FGF12: variants seen among roughly 807,000 people sequenced by gnomAD.
The protein encoded by FGF12 is fibroblast growth factor 12.
A neutral mutation model predicts 23.6 loss-of-function variants in FGF12; 14 were observed. The ratio of observed to expected loss-of-function variants is 0.59; its 90% CI spans 0.39 to 0.93. The LOEUF is 0.93. Ranked by LOEUF, FGF12 falls within the 40% of genes least tolerant of loss-of-function variation. The pLI, the probability that FGF12 is intolerant of heterozygous loss-of-function variation, is 0.00. For missense variants in FGF12, 175 were observed against 217.8 expected, an observed-to-expected ratio of 0.80 and a Z score of 1.24; for synonymous variants, 62 against 77.3, an observed-to-expected ratio of 0.80 and a Z score of 1.04.
intron 3 of FGF12, among the ~76,000 whole-genome samples, chr3:192,349,643 T>C (rs536615914): frequency 2.6e-5 from 4 of 152,096 alleles, no homozygotes; most frequent in African/African-American, 9.7e-5. Flanking sequence ...ACTGCGAAAG[T>C]GTCTTCTTTT....
intron 2 of FGF12, among the ~76,000 whole-genome samples, chr3:192,374,976 A>T (rs1235674433): frequency 6.6e-6 from 1 of 152,202 alleles, no homozygotes; most frequent in Non-Finnish European, 1.5e-5. Flanking sequence ...CGAGATGCAG[A>T]CATATTTCTG....
intron 2 of FGF12, among the ~76,000 whole-genome samples, chr3:192,432,655 G>GA (rs149617076): frequency 2.1e-5 from 3 of 145,528 alleles, no homozygotes; most frequent in South Asian, 4.4e-4. Context: ...AAGAAAGAAA[G>GA]AAAGAAAAGA....
intron 2 of FGF12, among the ~76,000 whole-genome samples, chr3:192,521,811 C>T (rs1724820770): frequency 6.6e-6 from 1 of 152,030 alleles, no homozygotes; most frequent in African/African-American, 2.4e-5. Flanking sequence ...GTATATTTTC[C>T]CCCCAAGAGA....
At chr3:192,581,709 A>G (rs2108614682) in intron 2 of FGF12, among the ~76,000 whole-genome samples, 1 of 151,954 alleles carries the variant, frequency 6.6e-6, no homozygotes, top group Non-Finnish European at 1.5e-5. Flanking sequence ...AGGACTTCAA[A>G]TTTTTCCATT....
chr3:192,251,164 T>C (rs952342850), intron 4 of FGF12, among the ~76,000 whole-genome samples: 1 of 152,190 alleles, frequency 6.6e-6, no homozygotes, highest in African/African-American at 2.4e-5. Context: ...CTTTTGTCTG[T>C]TGATCAAATA....
chr3:192,285,871 C>T (rs1294932434), intron 4 of FGF12, among the ~76,000 whole-genome samples: 1 of 151,956 alleles, frequency 6.6e-6, no homozygotes. Context: ...TAGTGTGCTC[C>T]TTAACTATGA....
intron 2 of FGF12, among the ~76,000 whole-genome samples, chr3:192,500,754 G>A (rs1724110161): frequency 6.6e-6 from 1 of 152,146 alleles, no homozygotes; most frequent in Non-Finnish European, 1.5e-5. Flanking sequence ...TAAGTGCCAG[G>A]CACTATCCTA....
chr3:192,475,951 A>C (rs1434265860), intron 2 of FGF12, among the ~76,000 whole-genome samples: 2 of 152,168 alleles, frequency 1.3e-5, no homozygotes, highest in African/African-American at 4.8e-5. Context: ...AGATAGATAG[A>C]TAGATAATGA....
intron 2 of FGF12, among the ~76,000 whole-genome samples, chr3:192,461,717 G>A (rs959293580): frequency 1.3e-5 from 2 of 152,036 alleles, no homozygotes; most frequent in Admixed American, 6.6e-5. Flanking sequence ...GGCCAGGCAC[G>A]GTGGCTCATA....
chr3:192,411,714 G>A (rs1721205723), intron 2 of FGF12, among the ~76,000 whole-genome samples: 1 of 152,204 alleles, frequency 6.6e-6, no homozygotes, highest in Non-Finnish European at 1.5e-5. Flanking sequence ...AGTGGGCTTT[G>A]GGGGCTCCCT....
intron 4 of FGF12, among the ~76,000 whole-genome samples, chr3:192,211,204 C>G (rs1461861270): frequency 6.6e-6 from 1 of 152,144 alleles, no homozygotes; most frequent in Admixed American, 6.5e-5. Context: ...ATTGAAAAAA[C>G]AGAGCCATGA....
intron 4 of FGF12, among the ~76,000 whole-genome samples, chr3:192,191,760 C>T (rs952197697): frequency 1.3e-5 from 2 of 151,266 alleles, no homozygotes; most frequent in African/African-American, 2.4e-5. Flanking sequence ...GGCACGAACC[C>T]GGGAGGTGGA....
At chr3:192,685,827 A>T (rs1717712257) in intron 2 of FGF12, among the ~76,000 whole-genome samples, 1 of 152,204 alleles carries the variant, frequency 6.6e-6, no homozygotes, top group Non-Finnish European at 1.5e-5. Flanking sequence ...GAATCCTGAC[A>T]ATAGTATTTT....
At position 192,408,264 on chromosome 3, in the gene FGF12, C is replaced by A; in HGVS notation, c.14-47726G>T. On this transcript the variant is annotated intron_variant, in intron 2 of 5. Coordinates refer to ENST00000445105, the MANE Select transcript of FGF12 (RefSeq NM_004113.6). This position sits in a 1 kb window ranked among gnomAD's most constrained non-coding sequence, Gnocchi z 7.3. ...GCCTCAGGCCCCAGCCTCTACTGCG[C>A]CCTCCGGCTTGCGCTCCGCCGGGGC... The A allele has an allele frequency of 6.5e-7, 1 of 1,532,432 alleles. No homozygotes were observed. The highest frequency in any genetic ancestry group is 8.7e-7 in the Non-Finnish European group (1 of 1,144,626). 94.9% of individuals were successfully genotyped at this position (1,532,432 alleles called of 1,614,324 possible).
chr3:192,486,939 A>G (rs1723652499), intron 2 of FGF12, among the ~76,000 whole-genome samples: 1 of 152,128 alleles, frequency 6.6e-6, no homozygotes. Context: ...CAAAATTATT[A>G]AAATCATGAG....
intron 2 of FGF12, among the ~76,000 whole-genome samples, chr3:192,714,175 T>C (rs1718785747): frequency 6.6e-6 from 1 of 152,148 alleles, no homozygotes; most frequent in Non-Finnish European, 1.5e-5. Context: ...ATTATATAGA[T>C]AAGGAAATCC....
intron 4 of FGF12, among the ~76,000 whole-genome samples, chr3:192,238,940 G>A (rs1719452455): frequency 6.6e-6 from 1 of 152,216 alleles, no homozygotes; most frequent in Admixed American, 6.5e-5. Flanking sequence ...GTGATGGGAA[G>A]TGCATTTTCC....
chr3:192,282,035 G>A (rs1714174665), intron 4 of FGF12, among the ~76,000 whole-genome samples: 1 of 152,166 alleles, frequency 6.6e-6, no homozygotes, highest in Non-Finnish European at 1.5e-5. Flanking sequence ...TTCATTTGCT[G>A]TAGGTAGTCA....
chr3:192,192,547 AC>A (rs1716848149), intron 4 of FGF12, among the ~76,000 whole-genome samples: 1 of 150,144 alleles, frequency 6.7e-6, no homozygotes, highest in Non-Finnish European at 1.5e-5. Context: ...AGGAAACAAG[AC>A]AGATCTTCGC....
Sources: allele counts gnomAD v4.1 joint callset (sites outside exome capture counted in the v4.1 genomes callset), GRCh38; gene constraint gnomAD v4.1.1; non-coding constraint Gnocchi (gnomAD v3.1); transcripts MANE v1.5; gene names NCBI Gene and HGNC (gene_info 2026-07-23, HGNC 2026-07-21).